NIPBL: variants seen among roughly 807,000 people sequenced by gnomAD.
The protein encoded by NIPBL is nipped-B-like protein.
NIPBL carries 19 observed loss-of-function variants against 321.8 expected under a neutral mutation model. The observed-to-expected ratio is 0.06, with a 90% CI of 0.04 to 0.09. NIPBL has a LOEUF of 0.09. Among genes scored for constraint, NIPBL ranks in the 10% least tolerant of loss-of-function variants. The pLI, the probability that NIPBL is intolerant of heterozygous loss-of-function variation, is 1.00. For missense variants in NIPBL, 2,210 were observed against 3,327.0 expected (o/e 0.66, Z 8.26); for synonymous variants, 1,106 against 1,114.1 (o/e 0.99, Z 0.14).
chr5:36,897,363 G>GA (rs1388942980), intron 1 of NIPBL, among the ~76,000 whole-genome samples: 1 of 152,116 alleles, frequency 6.6e-6, no homozygotes, highest in African/African-American at 2.4e-5. Context: ...AAGTGCAGTT[G>GA]ATTTTTATAT....
At chr5:36,973,618 C>T (rs1320009901) in intron 8 of NIPBL, among the ~76,000 whole-genome samples, 1 of 152,146 alleles carries the variant, frequency 6.6e-6, no homozygotes, top group Non-Finnish European at 1.5e-5. Flanking sequence ...CAGGCACATG[C>T]CACCACGCCC....
chr5:36,933,246 G>C (rs778203415), intron 1 of NIPBL, among the ~76,000 whole-genome samples: 2 of 151,938 alleles, frequency 1.3e-5, no homozygotes, highest in Non-Finnish European at 2.9e-5. Flanking sequence ...ATTGAATTCT[G>C]TTACGAGTTT....
intron 1 of NIPBL, among the ~76,000 whole-genome samples, chr5:36,942,599 G>A (rs955554830): frequency 1.3e-5 from 2 of 151,628 alleles, no homozygotes; most frequent in South Asian, 2.1e-4. Flanking sequence ...AATTAGCTGG[G>A]GGGTGGTGGT....
chr5:36,931,985 G>A (rs1749814400), intron 1 of NIPBL, among the ~76,000 whole-genome samples: 1 of 151,940 alleles, frequency 6.6e-6, no homozygotes. Flanking sequence ...AGTTTAATAT[G>A]TTGTGATTTC....
intron 4 of NIPBL, among the ~76,000 whole-genome samples, chr5:36,958,997 A>G (rs992220442): frequency 4.6e-5 from 7 of 152,100 alleles, no homozygotes; most frequent in Non-Finnish European, 1.0e-4. Context: ...GCCTCAGGCC[A>G]GGAGTTAAGA....
chr5:36,964,540 A>C (rs1035107627), intron 6 of NIPBL, among the ~76,000 whole-genome samples: 5 of 152,138 alleles, frequency 3.3e-5, no homozygotes, highest in African/African-American at 1.2e-4. Context: ...TAAACTCAAA[A>C]TGGATTAAAT....
At chr5:36,945,690 C>T (rs986299218) in intron 1 of NIPBL, among the ~76,000 whole-genome samples, 2 of 152,124 alleles carry the variant, frequency 1.3e-5, no homozygotes, top group Admixed American at 6.5e-5. Flanking sequence ...TAATTTGAAA[C>T]TTTAGAAAAG....
At chr5:36,935,081 T>C (rs1213033535) in intron 1 of NIPBL, among the ~76,000 whole-genome samples, 1 of 152,154 alleles carries the variant, frequency 6.6e-6, no homozygotes, top group Non-Finnish European at 1.5e-5. Context: ...TTCGCTCCTC[T>C]CTGTTTTGGC....
At chr5:36,983,992 T>C (rs964720360) in intron 9 of NIPBL, among the ~76,000 whole-genome samples, 1 of 152,046 alleles carries the variant, frequency 6.6e-6, no homozygotes, top group Non-Finnish European at 1.5e-5. Flanking sequence ...TCTATACCTA[T>C]GAAATCTGTT....
intron 1 of NIPBL, among the ~76,000 whole-genome samples, chr5:36,938,988 A>G (rs1475794086): frequency 1.3e-5 from 2 of 152,092 alleles, no homozygotes; most frequent in Non-Finnish European, 2.9e-5. Flanking sequence ...GTATCTCTTC[A>G]TAACCACACC....
intron 1 of NIPBL, among the ~76,000 whole-genome samples, chr5:36,922,361 A>G (rs2149560249): frequency 6.6e-6 from 1 of 152,238 alleles, no homozygotes; most frequent in Admixed American, 6.5e-5. Context: ...CAATAAGAAA[A>G]ATCATGCTAT....
In NIPBL at chr5:37,017,178, A is replaced by T. The variant is rs1187688813; in HGVS notation, c.4920+16A>T. ...TTTAAAACAGGTACTAAGATAAAAG[A>T]TTAAAATTATGGGAATGAATAATAG... On this transcript the variant is annotated intron_variant, in intron 24 of 46. Coordinates refer to ENST00000282516, the MANE Select transcript of NIPBL (RefSeq NM_133433.4). The T allele has an allele frequency of 6.3e-7, 1 of 1,598,088 alleles. No homozygotes were observed. Among genetic ancestry groups the T allele is most frequent in the South Asian group, 1.1e-5 (1 of 90,184 alleles).
intron 9 of NIPBL, among the ~76,000 whole-genome samples, chr5:36,981,682 G>A (rs1426331497): frequency 6.6e-6 from 1 of 151,452 alleles, no homozygotes; most frequent in African/African-American, 2.4e-5. Flanking sequence ...GCTTTCTTTT[G>A]TCAAAGAGGG....
chr5:36,931,699 C>G (rs2149572443), intron 1 of NIPBL, among the ~76,000 whole-genome samples: 1 of 151,022 alleles, frequency 6.6e-6, no homozygotes, highest in East Asian at 1.9e-4. Context: ...TTCTCTCTTA[C>G]TTTCCTGATC....
chr5:37,016,007 G>A, intron 22 of NIPBL, 31 bp from the exon 23 acceptor site: 6 of 1,612,652 alleles, frequency 3.7e-6, no homozygotes, highest in Non-Finnish European at 5.1e-6. Flanking sequence ...CACCTAAATT[G>A]ACATCCTTTT....
chr5:37,006,789 C>A (rs1747484253), intron 17 of NIPBL, among the ~76,000 whole-genome samples: 1 of 151,870 alleles, frequency 6.6e-6, no homozygotes, highest in Non-Finnish European at 1.5e-5. Flanking sequence ...GTTATTTCTA[C>A]TTGTCAGGGA....
intron 1 of NIPBL, chr5:36,885,587 T>C (rs1745832039): frequency 5.6e-6 from 3 of 533,084 alleles, no homozygotes; most frequent in Non-Finnish European, 1.1e-5. Context: ...CTGGGGCCAT[T>C]ACTTCAAGAC....
chr5:36,904,569 C>T (rs1747485906), intron 1 of NIPBL, among the ~76,000 whole-genome samples: 1 of 152,144 alleles, frequency 6.6e-6, no homozygotes, highest in Non-Finnish European at 1.5e-5. Context: ...TCCTATGGGC[C>T]AGGAATATGG....
At chr5:36,952,675 A>C (rs1036125707) in intron 1 of NIPBL, among the ~76,000 whole-genome samples, 3 of 152,208 alleles carry the variant, frequency 2.0e-5, no homozygotes, top group African/African-American at 7.2e-5. Context: ...CATCATGATA[A>C]ATACTGAACA....
Sources: gnomAD v4.1 joint callset for allele counts (sites outside exome capture counted in the v4.1 genomes callset) on GRCh38, gnomAD v4.1.1 for gene constraint, MANE v1.5 for transcripts, NCBI Gene and HGNC (gene_info 2026-07-23, HGNC 2026-07-21) for gene names.